Variants in PDE4D observed in about 807,000 individuals in gnomAD.
The protein encoded by PDE4D is 3',5'-cyclic-AMP phosphodiesterase 4D.
PDE4D carries 24 observed loss-of-function variants against 87.4 expected under a neutral mutation model. The observed-to-expected ratio is 0.27, with a 90% CI of 0.20 to 0.39. The LOEUF is 0.39. Ranked by LOEUF, PDE4D falls within the 10% of genes least tolerant of loss-of-function variation. The pLI is 1.00. For missense variants in PDE4D, 714 were observed against 1,041.0 expected, an observed-to-expected ratio of 0.69 and a Z score of 4.32; for synonymous variants, 384 against 383.2, an observed-to-expected ratio of 1.00 and a Z score of -0.02.
chr5:60,426,646 G>A (rs1208199971), intron 1 of PDE4D, among the ~76,000 whole-genome samples: 2 of 152,064 alleles, frequency 1.3e-5, no homozygotes, highest in Non-Finnish European at 2.9e-5. Flanking sequence ...AAACCTGCAC[G>A]CTGTGCGCAT....
chr5:59,240,461 C>G (rs890372643), intron 1 of PDE4D, among the ~76,000 whole-genome samples: 3 of 152,122 alleles, frequency 2.0e-5, no homozygotes, highest in Non-Finnish European at 2.9e-5. Flanking sequence ...TTTCCTTCAG[C>G]CTTCATAGTT....
chr5:59,548,044 G>A (rs1163148313), intron 1 of PDE4D, among the ~76,000 whole-genome samples: 6 of 152,178 alleles, frequency 3.9e-5, no homozygotes, highest in Non-Finnish European at 8.8e-5. Context: ...GACAGAAGGA[G>A]AGAAAGAGAA....
At chr5:58,992,703 G>A (rs1369667485) in intron 7 of PDE4D, among the ~76,000 whole-genome samples, 1 of 152,110 alleles carries the variant, frequency 6.6e-6, no homozygotes, top group African/African-American at 2.4e-5. Context: ...TTTCATCCAC[G>A]ATTTCAAGGC....
chr5:59,020,946 A>G (rs1016807368), intron 6 of PDE4D, among the ~76,000 whole-genome samples: 11 of 152,106 alleles, frequency 7.2e-5, no homozygotes, highest in Non-Finnish European at 1.6e-4. Context: ...TTCATTTTTA[A>G]TCTGTGCAAT....
At chr5:59,007,731 T>G (rs10065334) in intron 6 of PDE4D, among the ~76,000 whole-genome samples, 15,317 of 152,050 alleles carry the variant, frequency 0.1, 1,026 homozygotes, top group Non-Finnish European at 0.13. Flanking sequence ...TCTTGTAAGT[T>G]TTATGGAGAT....
At chr5:60,036,815 G>A (rs1195344549) in intron 2 of PDE4D, among the ~76,000 whole-genome samples, 1 of 151,964 alleles carries the variant, frequency 6.6e-6, no homozygotes, top group Non-Finnish European at 1.5e-5. Flanking sequence ...ACTCTGACTT[G>A]GACACTTCAG....
At chr5:58,982,334 C>T (rs939606548) in intron 11 of PDE4D, among the ~76,000 whole-genome samples, 1 of 152,150 alleles carries the variant, frequency 6.6e-6, no homozygotes, top group Admixed American at 6.5e-5. Flanking sequence ...GTAACTGAGT[C>T]TTCAAAAGGC....
intron 11 of PDE4D, among the ~76,000 whole-genome samples, chr5:58,983,235 A>C (rs1745646621): frequency 6.6e-6 from 1 of 152,248 alleles, no homozygotes; most frequent in Admixed American, 6.5e-5. Flanking sequence ...TCCGTAAACC[A>C]GGCCCTCTGT....
chr5:59,856,772 T>C (rs1482239035), intron 1 of PDE4D, among the ~76,000 whole-genome samples: 1 of 152,202 alleles, frequency 6.6e-6, no homozygotes, highest in Non-Finnish European at 1.5e-5. Flanking sequence ...ACAAGGAGTC[T>C]TAAAATGCTC....
intron 2 of PDE4D, chr5:60,147,793 G>A (rs754850040): frequency 6.6e-6 from 3 of 455,994 alleles, no homozygotes; most frequent in Non-Finnish European, 8.8e-6. Flanking sequence ...TTGGCTGGAG[G>A]CCTCCATATT....
At chr5:59,246,600 C>T (rs982951791) in intron 1 of PDE4D, among the ~76,000 whole-genome samples, 3 of 152,070 alleles carry the variant, frequency 2.0e-5, no homozygotes, top group South Asian at 2.1e-4. Flanking sequence ...TAATCTTATG[C>T]GATACTTTCA....
At chr5:59,697,432 G>C (rs1751942820) in intron 1 of PDE4D, among the ~76,000 whole-genome samples, 1 of 152,128 alleles carries the variant, frequency 6.6e-6, no homozygotes, top group Admixed American at 6.5e-5. Flanking sequence ...TGTGGGGGTG[G>C]GAGTGGAATA....
At chr5:60,000,862 T>C (rs536158098) in intron 2 of PDE4D, among the ~76,000 whole-genome samples, 12 of 152,286 alleles carry the variant, frequency 7.9e-5, no homozygotes, top group African/African-American at 2.9e-4. Context: ...AACTGTGGCC[T>C]GAGAGCAGTC....
intron 5 of PDE4D, chr5:59,039,444 C>T: frequency 1.0e-6 from 1 of 992,424 alleles, no homozygotes; most frequent in Non-Finnish European, 1.2e-6. Context: ...ACGCCCGCCC[C>T]GCCTGCCGAG....
rs73758091 is a variant in PDE4D at position 58,996,763 on chromosome 5, C to T, written c.922-3298G>A. Among the ~76,000 whole-genome samples the T allele has an allele frequency of 4.6e-3, 707 of 152,162 alleles. 4 individuals are homozygous for T. Among genetic ancestry groups the T allele is most frequent in the African/African-American group, 0.016 (655 of 41,522 alleles). ...GATTTTTCTAAAAGAATATAAAGAA[C>T]GAAGTATAATTTTCCTGGCAGTTTG... On this transcript the variant is annotated intron_variant, in intron 6 of 14. Transcript: ENST00000340635.
chr5:59,893,644 C>A lies in PDE4D; in HGVS notation c.-22G>T, dbSNP rs1000294887. 1 of 1,467,318 alleles carries A rather than the reference C, an allele frequency of 6.8e-7. No individual in the cohort carries two copies. The highest frequency in any genetic ancestry group is 9.0e-7 in the Non-Finnish European group (1 of 1,116,266). 90.9% of individuals were successfully genotyped at this position (1,467,318 alleles called of 1,614,324 possible). A position where few individuals can be genotyped will look rare whatever the true frequency, so the allele number is the denominator to read the frequency against. The stretch of plus-strand genomic sequence containing the variant: ...CCATCCTGGCTCGCGGCTCCGCGAC[C>A]TGCTGCCCAGCCCGGGTTCACCGCG... On this transcript the variant is annotated 5_prime_UTR_variant, in exon 1 of 15. It adds an upstream start codon to the 5' untranslated region. Coordinates refer to ENST00000340635, the MANE Select transcript of PDE4D (RefSeq NM_001104631.2).
At chr5:59,584,394 T>A (rs989856109) in intron 1 of PDE4D, among the ~76,000 whole-genome samples, 3 of 152,164 alleles carry the variant, frequency 2.0e-5, no homozygotes, top group Non-Finnish European at 4.4e-5. Context: ...GCATTAACAT[T>A]CTACATTGGC....
rs12189022 is a variant in PDE4D at position 59,306,698 on chromosome 5, T to C, written c.456-90730A>G. Among the ~76,000 whole-genome samples, 1,049 of 149,256 alleles carry C rather than the reference T, an allele frequency of 7.0e-3. 13 individuals carry two copies. The highest frequency in any genetic ancestry group is 0.025 in the African/African-American group (1,014 of 40,134). Reference sequence around the variant, plus strand: ...AGGAGAACTGCAAACCACTGCTCAATGAAATAAAAGAGGATACAAACAAAT... The same window carrying C: ...AGGAGAACTGCAAACCACTGCTCAACGAAATAAAAGAGGATACAAACAAAT... On this transcript the variant is annotated intron_variant, in intron 1 of 14. Transcript: ENST00000340635.
At chr5:59,617,813 A>T (rs1211930872) in intron 1 of PDE4D, among the ~76,000 whole-genome samples, 2 of 152,152 alleles carry the variant, frequency 1.3e-5, no homozygotes, top group African/African-American at 4.8e-5. Flanking sequence ...CTCTGTTTCT[A>T]GTACTTTGTT....
Sources: gnomAD v4.1 joint callset for allele counts (sites outside exome capture counted in the v4.1 genomes callset) on GRCh38, gnomAD v4.1.1 for gene constraint, MANE v1.5 for transcripts, NCBI Gene and HGNC (gene_info 2026-07-23, HGNC 2026-07-21) for gene names.